MYL11: variants seen among roughly 807,000 people sequenced by gnomAD.
The protein encoded by MYL11 is myosin regulatory light chain 11.
chr16:30,373,412 G>A, the MYL11 span, among the ~76,000 whole-genome samples: 15 of 152,164 alleles, frequency 9.9e-5, no homozygotes, highest in African/African-American at 2.9e-4. Context: ...TGGCTAACGC[G>A]GGGAAACCCC....
chr16:30,375,711 G>A, the MYL11 span: 1 of 891,166 alleles, frequency 1.1e-6, no homozygotes, highest in African/African-American at 1.7e-5. Context: ...TCAGGCCAAA[G>A]GGCTGCTTTA....
the MYL11 span, chr16:30,377,872 C>T: frequency 1.2e-6 from 2 of 1,613,378 alleles, no homozygotes; most frequent in Non-Finnish European, 1.7e-6. Flanking sequence ...TACGTCATCA[C>T]GCACGGCGAC....
At chr16:30,377,349 T>C in the MYL11 span, among the ~76,000 whole-genome samples, 1 of 151,988 alleles carries the variant, frequency 6.6e-6, no homozygotes, top group Non-Finnish European at 1.5e-5. Context: ...AACCACTGCA[T>C]TCCAGCCTGG....
At chr16:30,377,914 C>T in the MYL11 span, 7 of 1,593,974 alleles carry the variant, frequency 4.4e-6, no homozygotes, top group Non-Finnish European at 6.0e-6. Flanking sequence ...CACCCGCGGG[C>T]CTCCGCTGCC....
the MYL11 span, chr16:30,376,139 C>A: frequency 6.2e-7 from 1 of 1,613,594 alleles, no homozygotes; most frequent in Non-Finnish European, 8.5e-7. Context: ...CCACGGCCCT[C>A]CCCAGGCCTT....
At chr16:30,372,423 G>C in the MYL11 span, 1 of 152,248 alleles carries the variant, frequency 6.6e-6, no homozygotes, top group Admixed American at 6.6e-5. Context: ...TCAGGACATC[G>C]GGTCCTAGAG....
At chr16:30,376,339 G>T in the MYL11 span, 1 of 1,546,694 alleles carries the variant, frequency 6.5e-7, no homozygotes, top group African/African-American at 1.4e-5. Context: ...GCTGAAAAAT[G>T]AATGGGATCA....
chr16:30,372,281 G>C, the MYL11 span: 16 of 152,698 alleles, frequency 1.0e-4, no homozygotes, highest in Admixed American at 9.1e-4. Context: ...CAGCTGCTAA[G>C]TTTAGGGTGG....
At chr16:30,376,484 C>G in the MYL11 span, 1 of 1,614,158 alleles carries the variant, frequency 6.2e-7, no homozygotes, top group South Asian at 1.1e-5. Flanking sequence ...GCGGTCCCAT[C>G]AACTTCACCG....
the MYL11 span, chr16:30,377,891 C>G: frequency 6.2e-7 from 1 of 1,611,166 alleles, no homozygotes; most frequent in South Asian, 1.1e-5. Context: ...ACGCCAAGGA[C>G]CAGGAGTAGG....
the MYL11 span, chr16:30,376,535 G>C: frequency 3.1e-6 from 5 of 1,613,986 alleles, no homozygotes; most frequent in Non-Finnish European, 4.2e-6. Flanking sequence ...AGGGTGAGTG[G>C]AGTGTCCTGG....
the MYL11 span, among the ~76,000 whole-genome samples, chr16:30,377,065 T>C: frequency 6.6e-6 from 1 of 151,910 alleles, no homozygotes; most frequent in South Asian, 2.1e-4. Context: ...ATACAAAAAT[T>C]AGCTGGGCGT....
At chr16:30,375,612 AG>A in the MYL11 span, among the ~76,000 whole-genome samples, 60 of 152,098 alleles carry the variant, frequency 3.9e-4, no homozygotes, top group African/African-American at 1.4e-3. Flanking sequence ...GGGGATGGAG[AG>A]TTGGAGACCC....
At chr16:30,376,347 T>G in the MYL11 span, 1 of 1,550,366 alleles carries the variant, frequency 6.5e-7, no homozygotes, top group African/African-American at 1.4e-5. Flanking sequence ...ATGAATGGGA[T>G]CAGCTGAATT....
At chr16:30,374,516 T>C in the MYL11 span, among the ~76,000 whole-genome samples, 116,059 of 152,112 alleles carry the variant, frequency 0.76, 44,528 homozygotes, top group East Asian at 0.91. Flanking sequence ...TCTCCCAGAA[T>C]GATGCCTTGG....
chr16:30,374,747 T>G, the MYL11 span: 1 of 1,402,422 alleles, frequency 7.1e-7, no homozygotes, highest in Admixed American at 2.5e-5. Context: ...TACCTTGGTA[T>G]GTTAAGGGCT....
the MYL11 span, chr16:30,376,621 T>C: frequency 6.2e-7 from 1 of 1,614,070 alleles, no homozygotes; most frequent in Non-Finnish European, 8.5e-7. Flanking sequence ...CCCCCACAGG[T>C]GCCGACCCTG....
chr16:30,374,678 G>A, the MYL11 span: 1 of 635,366 alleles, frequency 1.6e-6, no homozygotes, highest in Middle Eastern at 4.4e-4. Context: ...CTCCAAGAAA[G>A]GAGAGGCCCT....
chr16:30,377,267 C>A, the MYL11 span, among the ~76,000 whole-genome samples: 2 of 151,878 alleles, frequency 1.3e-5, no homozygotes, highest in Non-Finnish European at 2.9e-5. Flanking sequence ...CCTATAGTCC[C>A]AGCTACTCCG....
Sources: allele counts gnomAD v4.1 joint callset (sites outside exome capture counted in the v4.1 genomes callset), GRCh38; gene constraint gnomAD v4.1.1; transcripts MANE v1.5; gene names NCBI Gene and HGNC (gene_info 2026-07-23, HGNC 2026-07-21).